The following KLHL32 variants were observed in gnomAD, a reference collection of about 807,000 sequenced individuals.
KLHL32 encodes the protein kelch-like protein 32.
A neutral mutation model predicts 64.8 loss-of-function variants in KLHL32; 35 were observed. That is an observed-to-expected ratio of 0.54 (90% CI 0.41 to 0.72). The LOEUF (loss-of-function observed/expected upper bound fraction) is 0.72. KLHL32 is among the 30% of genes least tolerant of loss of function. The pLI is 0.00. For synonymous variants in KLHL32, 259 were observed against 281.0 expected, an observed-to-expected ratio of 0.92 and a Z score of 0.78; for missense variants, 589 against 768.5, an observed-to-expected ratio of 0.77 and a Z score of 2.76.
intron 8 of KLHL32, 92 bp downstream of exon 8, chr6:97,127,554 C>T: frequency 1.0e-6 from 1 of 954,740 alleles, no homozygotes; most frequent in Non-Finnish European, 1.7e-6. Flanking sequence ...AGTGTACACA[C>T]ACAGATATGC....
At chr6:97,133,547 C>T (rs1199566787) in intron 10 of KLHL32, among the ~76,000 whole-genome samples, 2 of 152,120 alleles carry the variant, frequency 1.3e-5, no homozygotes, top group African/African-American at 2.4e-5. Flanking sequence ...CAGAACTGTT[C>T]AACCTTTTTA....
chr6:96,907,864 C>T, the KLHL32 span, among the ~76,000 whole-genome samples: 15 of 152,204 alleles, frequency 9.9e-5, no homozygotes, highest in East Asian at 3.8e-4. Context: ...CAAAGTTCTG[C>T]TTAGCGCTCA....
At chr6:97,078,893 G>A (rs909456957) in intron 5 of KLHL32, among the ~76,000 whole-genome samples, 6 of 152,206 alleles carry the variant, frequency 3.9e-5, no homozygotes, top group Non-Finnish European at 8.8e-5. Flanking sequence ...GTGTGGATGG[G>A]CAAGGGGTTA....
upstream of KLHL32, among the ~76,000 whole-genome samples, chr6:96,921,780 T>C (rs850581): frequency 0.59 from 89,152 of 151,930 alleles, 26,753 homozygotes; most frequent in African/African-American, 0.71. Context: ...ATCTGATTCT[T>C]CCAGAGCTGT....
chr6:97,049,597 A>G (rs147910319), intron 4 of KLHL32, among the ~76,000 whole-genome samples: 72 of 151,634 alleles, frequency 4.7e-4, no homozygotes, highest in Admixed American at 5.9e-4. Flanking sequence ...GCGGGGGGGA[A>G]CTACTTTATT....
At chr6:96,917,892 GAA>G in the KLHL32 span, among the ~76,000 whole-genome samples, 1 of 152,188 alleles carries the variant, frequency 6.6e-6, no homozygotes, top group Non-Finnish European at 1.5e-5. Flanking sequence ...TCTATGCGTA[GAA>G]AAGAGTTTCT....
At chr6:96,920,869 G>A (rs1022378745), upstream of KLHL32, among the ~76,000 whole-genome samples, 1 of 151,782 alleles carries the variant, frequency 6.6e-6, no homozygotes, top group Non-Finnish European at 1.5e-5. Context: ...ATAAGTCTTT[G>A]AACTTTTGTT....
At chr6:96,905,281 G>A in the KLHL32 span, among the ~76,000 whole-genome samples, 3 of 152,140 alleles carry the variant, frequency 2.0e-5, no homozygotes, top group South Asian at 6.2e-4. Flanking sequence ...TATAGAACAG[G>A]GAATTCCAGA....
At chr6:97,128,899 A>G (rs1235805568) in intron 8 of KLHL32, among the ~76,000 whole-genome samples, 1 of 152,250 alleles carries the variant, frequency 6.6e-6, no homozygotes, top group African/African-American at 2.4e-5. Context: ...CTGGACTGCT[A>G]ATGCAAACAT....
chr6:97,101,267 T>C (rs554008085), intron 6 of KLHL32, among the ~76,000 whole-genome samples: 1 of 152,264 alleles, frequency 6.6e-6, no homozygotes, highest in Admixed American at 6.5e-5. Context: ...GAAAGATGAT[T>C]CGTGTGCGTT....
intron 3 of KLHL32, among the ~76,000 whole-genome samples, chr6:97,028,794 TAAG>T (rs1180219178): frequency 1.3e-5 from 2 of 152,192 alleles, no homozygotes; most frequent in East Asian, 3.8e-4. Flanking sequence ...ATGTATTCAA[TAAG>T]AAAGCGTAAA....
intron 1 of KLHL32, among the ~76,000 whole-genome samples, chr6:96,929,511 A>G (rs1582365706): frequency 1.3e-5 from 2 of 152,218 alleles, no homozygotes; most frequent in East Asian, 3.8e-4. Flanking sequence ...AATTTATCCT[A>G]GAACATTTTA....
At chr6:97,107,033 C>G (rs1193844450) in intron 6 of KLHL32, among the ~76,000 whole-genome samples, 18 of 152,068 alleles carry the variant, frequency 1.2e-4, no homozygotes, top group Admixed American at 1.2e-3. Flanking sequence ...TGGCTCACAC[C>G]TGTAATCCCA....
chr6:97,043,012 G>A (rs372047144), intron 4 of KLHL32, among the ~76,000 whole-genome samples: 6 of 152,116 alleles, frequency 3.9e-5, no homozygotes, highest in Admixed American at 2.0e-4. Context: ...TCCCACTCTC[G>A]TGCTTCCTCT....
At chr6:97,095,652 A>G (rs2128190131) in intron 6 of KLHL32, among the ~76,000 whole-genome samples, 1 of 152,322 alleles carries the variant, frequency 6.6e-6, no homozygotes, top group Non-Finnish European at 1.5e-5. Flanking sequence ...TAAAAAGCCA[A>G]CACCACACTG....
At position 97,110,253 on chromosome 6, in the gene KLHL32, G is replaced by A. The variant is rs191580925; in HGVS notation, c.628-3530G>A. On this transcript the variant is annotated intron_variant, in intron 6 of 10. Transcript: ENST00000369261. ...TTTTGTCAGGTTGGTATCTTATTTA[G>A]TTAAAAATGCTACCTTCTATAAAAG... 2.6e-5 allele frequency among the ~76,000 whole-genome samples: 4 copies of A among 152,186 alleles called. No individual in the cohort carries two copies. In the East Asian group the frequency reaches 7.7e-4, roughly 29 times the overall value.
the KLHL32 span, among the ~76,000 whole-genome samples, chr6:96,906,379 G>A: frequency 6.6e-6 from 1 of 152,206 alleles, no homozygotes; most frequent in Non-Finnish European, 1.5e-5. Flanking sequence ...GAGACCGGGA[G>A]AATGGGATAT....
intron 1 of KLHL32, among the ~76,000 whole-genome samples, chr6:96,941,247 T>C (rs1247095462): frequency 6.6e-6 from 1 of 152,220 alleles, no homozygotes; most frequent in East Asian, 1.9e-4. Context: ...ATAAAGATAG[T>C]GAAAAAGGTA....
At chr6:97,116,318 ACCACC>A (rs1380019480) in intron 7 of KLHL32, among the ~76,000 whole-genome samples, 8 of 152,206 alleles carry the variant, frequency 5.3e-5, no homozygotes, top group Non-Finnish European at 1.2e-4. Flanking sequence ...ACAGTTAATA[ACCACC>A]AAGACTATAT....
Sources: gnomAD v4.1 joint callset for allele counts (sites outside exome capture counted in the v4.1 genomes callset) on GRCh38, gnomAD v4.1.1 for gene constraint, MANE v1.5 for transcripts, NCBI Gene and HGNC (gene_info 2026-07-23, HGNC 2026-07-21) for gene names.